The following MEI4 variants were observed in gnomAD, a reference collection of about 807,000 sequenced individuals.
MEI4 encodes the protein meiotic double-stranded break formation protein 4.
In MEI4, 27 loss-of-function variants were observed where a neutral mutation model predicts 31.4. The ratio of observed to expected loss-of-function variants is 0.86; its 90% CI spans 0.63 to 1.19. The LOEUF is 1.19. MEI4 is among the 50% of genes most tolerant of loss of function. The probability of loss-of-function intolerance (pLI) is 0.00; values close to 1 mark genes in which losing one functional copy is unlikely to be tolerated. For missense variants in MEI4, 329 were observed against 398.9 expected, an observed-to-expected ratio of 0.82 and a Z score of 1.49; for synonymous variants, 122 against 145.4, an observed-to-expected ratio of 0.84 and a Z score of 1.16.
At chr6:77,860,885 CG>C (rs1562015333) in intron 4 of MEI4, among the ~76,000 whole-genome samples, 47 of 152,234 alleles carry the variant, frequency 3.1e-4, no homozygotes, top group African/African-American at 1.1e-3. Context: ...ATTTCTTGAA[CG>C]TGTTCCTCCC....
chr6:77,814,044 C>A (rs7756601), intron 3 of MEI4, among the ~76,000 whole-genome samples: 39,714 of 151,930 alleles, frequency 0.26, 6,951 homozygotes, highest in African/African-American at 0.5. Context: ...TATCCAAAAA[C>A]CATCAGTATA....
rs566373328 is a variant in MEI4, at chr6:77,864,985, G to T, written c.900+35923G>T. Among the ~76,000 whole-genome samples the T allele has an allele frequency of 3.3e-5, 5 of 152,096 alleles. No individual in the cohort carries two copies. The South Asian group carries it at 8.3e-4, about 25-fold the overall frequency. On this transcript the variant is annotated intron_variant, in intron 4 of 4. Coordinates refer to ENST00000684080, the MANE Select transcript of MEI4 (RefSeq NM_001322247.2). ...ACAACCTGCTCCTGAATGACTACTG[G>T]GTACATAATGAAATGAAGGCAGAAG...
At chr6:77,767,452 T>C (rs1768203812) in intron 3 of MEI4, among the ~76,000 whole-genome samples, 2 of 152,020 alleles carry the variant, frequency 1.3e-5, no homozygotes, top group African/African-American at 4.8e-5. Flanking sequence ...CCCAGTACTT[T>C]GGGAGGCCGA....
intron 2 of MEI4, among the ~76,000 whole-genome samples, chr6:77,696,813 T>G (rs1300150773): frequency 1.2e-4 from 19 of 152,114 alleles, no homozygotes; most frequent in Admixed American, 4.6e-4. Context: ...TCTTTTTCTA[T>G]TGATTGGAAT....
intron 3 of MEI4, among the ~76,000 whole-genome samples, chr6:77,815,708 G>T (rs78288444): frequency 0.029 from 4,482 of 152,136 alleles, 235 homozygotes; most frequent in African/African-American, 0.1. Context: ...GAATGTTAGG[G>T]TCACTAGTAA....
intron 2 of MEI4, among the ~76,000 whole-genome samples, chr6:77,730,463 A>T (rs922877960): frequency 6.6e-5 from 10 of 151,966 alleles, no homozygotes; most frequent in African/African-American, 2.4e-4. Context: ...CAAGTTTTTG[A>T]CCCTTAAATA....
At chr6:77,733,088 C>G (rs988329732) in intron 2 of MEI4, among the ~76,000 whole-genome samples, 1 of 151,732 alleles carries the variant, frequency 6.6e-6, no homozygotes, top group Non-Finnish European at 1.5e-5. Flanking sequence ...CTAAAATTCT[C>G]TTTTTTGGTT....
At chr6:77,652,167 G>T (rs1768310528), upstream of MEI4, among the ~76,000 whole-genome samples, 1 of 152,228 alleles carries the variant, frequency 6.6e-6, no homozygotes, top group South Asian at 2.1e-4. Flanking sequence ...TGACTACATT[G>T]TGGAGAATAG....
At chr6:77,766,625 G>T (rs1768182482) in intron 3 of MEI4, among the ~76,000 whole-genome samples, 1 of 152,046 alleles carries the variant, frequency 6.6e-6, no homozygotes, top group Admixed American at 6.6e-5. Flanking sequence ...TGTTAGCCAG[G>T]ATGATCTCGA....
chr6:77,759,932 T>G (rs1329562326), intron 2 of MEI4, among the ~76,000 whole-genome samples: 3 of 152,196 alleles, frequency 2.0e-5, no homozygotes, highest in Non-Finnish European at 4.4e-5. Flanking sequence ...GACAGCCATA[T>G]TTCTCATATT....
chr6:77,792,012 T>C (rs565743957), intron 3 of MEI4, among the ~76,000 whole-genome samples: 1 of 152,294 alleles, frequency 6.6e-6, no homozygotes, highest in East Asian at 1.9e-4. Flanking sequence ...TCAACCTTTT[T>C]AGCTTTCTAA....
chr6:77,667,821 G>A (rs1481645946), intron 1 of MEI4, among the ~76,000 whole-genome samples: 1 of 152,076 alleles, frequency 6.6e-6, no homozygotes, highest in Non-Finnish European at 1.5e-5. Flanking sequence ...AATCATGAGA[G>A]CAAGTGGTTT....
At chr6:77,867,450 A>C (rs918430415) in intron 4 of MEI4, among the ~76,000 whole-genome samples, 7 of 152,246 alleles carry the variant, frequency 4.6e-5, no homozygotes, top group Non-Finnish European at 8.8e-5. Context: ...TATGTAGCCA[A>C]AAGATACATG....
chr6:77,700,415 T>G (rs1400830917), intron 2 of MEI4, among the ~76,000 whole-genome samples: 4 of 152,216 alleles, frequency 2.6e-5, no homozygotes, highest in Non-Finnish European at 1.5e-5. Context: ...TATAATCTCC[T>G]GGTGTGCCGT....
At chr6:77,739,091 C>T (rs549737120) in intron 2 of MEI4, among the ~76,000 whole-genome samples, 107 of 152,230 alleles carry the variant, frequency 7.0e-4, no homozygotes, top group Non-Finnish European at 1.2e-3. Context: ...TTAATTAGAT[C>T]CCATTCATCA....
intron 2 of MEI4, among the ~76,000 whole-genome samples, chr6:77,756,024 T>C (rs1031141016): frequency 6.6e-6 from 1 of 152,184 alleles, no homozygotes; most frequent in African/African-American, 2.4e-5. Context: ...GGCACCAGCA[T>C]GGCTTCATTA....
At chr6:77,822,631 T>C (rs1237472480) in intron 3 of MEI4, among the ~76,000 whole-genome samples, 1 of 149,364 alleles carries the variant, frequency 6.7e-6, no homozygotes, top group Non-Finnish European at 1.5e-5. Context: ...CCCTTTTTTT[T>C]TTTCTTGAGA....
intron 4 of MEI4, among the ~76,000 whole-genome samples, chr6:77,897,183 A>G (rs1766098834): frequency 6.6e-6 from 1 of 152,036 alleles, no homozygotes; most frequent in South Asian, 2.1e-4. Context: ...ATTTGATAGC[A>G]TTCCTTTACA....
At position 77,710,479 on chromosome 6, in the gene MEI4, G is replaced by A. The variant is rs568774173; in HGVS notation, c.232+19576G>A. ...GGAGATTGCAGTGAGCTGAGATTGTGCCACTGCACTCCAGCCTGGTGACAG... is the reference window on the plus strand; with the variant it reads ...GGAGATTGCAGTGAGCTGAGATTGTACCACTGCACTCCAGCCTGGTGACAG... On this transcript the variant is annotated intron_variant, in intron 2 of 4. Transcript: ENST00000684080. Among the ~76,000 whole-genome samples the A allele has an allele frequency of 1.1e-4, 13 of 122,956 alleles. No homozygotes were observed. In the East Asian group the frequency reaches 2.7e-3, roughly 25 times the overall value. 80.7% of individuals were successfully genotyped at this position (122,956 alleles called of 152,430 possible).
Sources: gnomAD v4.1 joint callset for allele counts (sites outside exome capture counted in the v4.1 genomes callset) on GRCh38, gnomAD v4.1.1 for gene constraint, MANE v1.5 for transcripts, NCBI Gene and HGNC (gene_info 2026-07-23, HGNC 2026-07-21) for gene names.